Variants in EMID1 observed in about 807,000 individuals in gnomAD.
The protein encoded by EMID1 is EMI domain-containing protein 1.
EMID1 carries 40 observed loss-of-function variants against 60.6 expected under a neutral mutation model. The ratio of observed to expected loss-of-function variants is 0.66; its 90% CI spans 0.51 to 0.86. The LOEUF is 0.86. EMID1 is among the 40% of genes least tolerant of loss of function. EMID1 has a pLI of 0.00. For missense variants in EMID1, 585 were observed against 597.1 expected, an observed-to-expected ratio of 0.98 and a Z score of 0.21; for synonymous variants, 242 against 231.0, an observed-to-expected ratio of 1.05 and a Z score of -0.43.
rs1044801271 is a variant in EMID1 at position 29,258,724 on chromosome 22, G to A, written c.1205-93G>A. The A allele has an allele frequency of 1.2e-5, 19 of 1,524,236 alleles. No individual in the cohort carries two copies. The South Asian group carries it at 2.1e-4, about 17-fold the overall frequency. The allele number at this position is 1,524,236 out of a possible 1,614,324, so 94.4% of individuals were successfully genotyped here. A position where few individuals can be genotyped will look rare whatever the true frequency, so the allele number is the denominator to read the frequency against. ...GGGTGGATTATACCTGGCAGAGCGT[G>A]CCCGGTTCTGCCACCCCCTAGAGGG... On this transcript the variant is annotated intron_variant, in intron 14 of 14. Coordinates refer to ENST00000334018, the MANE Select transcript of EMID1 (RefSeq NM_133455.4).
At chr22:29,248,259 CTTTTTTTTTTT>C (rs33924066) in intron 13 of EMID1, among the ~76,000 whole-genome samples, 1 of 116,088 alleles carries the variant, frequency 8.6e-6, no homozygotes, top group Non-Finnish European at 1.7e-5. Context: ...GTGCCTGGCC[CTTTTTTTTTTT>C]TTTTTTTTTT....
At chr22:29,253,852 C>A in intron 13 of EMID1, 1 of 959,340 alleles carries the variant, frequency 1.0e-6, no homozygotes, top group Non-Finnish European at 1.2e-6. Flanking sequence ...GGGCGACAGA[C>A]ATTAGAGGAC....
At chr22:29,243,362 G>A (rs184988518) in intron 12 of EMID1, 83 bp from the exon 13 acceptor site, 28 of 1,390,088 alleles carry the variant, frequency 2.0e-5, no homozygotes, top group Admixed American at 7.8e-5. Context: ...CCCTTTCCCC[G>A]CTCTTTTTCC....
At chr22:29,229,096 C>T (rs1398672993) in intron 5 of EMID1, among the ~76,000 whole-genome samples, 1 of 152,142 alleles carries the variant, frequency 6.6e-6, no homozygotes, top group African/African-American at 2.4e-5. Flanking sequence ...AATCCCAGCA[C>T]TTTGGAAGGC....
intron 13 of EMID1, among the ~76,000 whole-genome samples, chr22:29,253,170 G>A (rs948847620): frequency 2.0e-5 from 3 of 152,164 alleles, no homozygotes; most frequent in African/African-American, 4.8e-5. Context: ...TTTGGCCAGG[G>A]ATGGTGGCTC....
chr22:29,233,523 A>G, intron 9 of EMID1, 55 bp downstream of exon 9: 1 of 1,607,238 alleles, frequency 6.2e-7, no homozygotes, highest in Non-Finnish European at 8.5e-7. Flanking sequence ...GGCAGAGGGA[A>G]TAGGGTTTGT....
At chr22:29,213,196 G>C (rs1227727856) in intron 1 of EMID1, among the ~76,000 whole-genome samples, 1 of 152,102 alleles carries the variant, frequency 6.6e-6, no homozygotes, top group Non-Finnish European at 1.5e-5. Flanking sequence ...GTGATAGCTG[G>C]GTCTCAGGTC....
At chr22:29,251,590 T>C (rs1341293946) in intron 13 of EMID1, among the ~76,000 whole-genome samples, 1 of 151,668 alleles carries the variant, frequency 6.6e-6, no homozygotes, top group Non-Finnish European at 1.5e-5. Flanking sequence ...CTCAAACTCT[T>C]GTGCTCAAGT....
chr22:29,214,530 G>A (rs1316343845), intron 1 of EMID1, among the ~76,000 whole-genome samples: 3 of 152,182 alleles, frequency 2.0e-5, no homozygotes, highest in East Asian at 1.9e-4. Context: ...GGGAGGGACC[G>A]AGGGGCAGAT....
At chr22:29,252,001 G>GATAAAAAATTTTTAAATTTTT (rs2041545513) in intron 13 of EMID1, among the ~76,000 whole-genome samples, 1 of 152,172 alleles carries the variant, frequency 6.6e-6, no homozygotes, top group Admixed American at 6.6e-5. Context: ...TAGATATGGG[G>GATAAAAAATTTTTAAATTTTT]TCTTGCTATG....
intron 12 of EMID1, among the ~76,000 whole-genome samples, chr22:29,236,681 A>G (rs1024458300): frequency 4.6e-5 from 7 of 151,964 alleles, no homozygotes; most frequent in African/African-American, 1.7e-4. Context: ...ACAGAGTGAG[A>G]CTCCATCTCA....
intron 14 of EMID1, chr22:29,255,198 T>TC: frequency 1.1e-5 from 1 of 87,904 alleles, no homozygotes; most frequent in Non-Finnish European, 2.7e-5. Flanking sequence ...CCTCCCACCC[T>TC]CCCCGCTTGG....
At chr22:29,225,100 A>G (rs2040451255) in intron 3 of EMID1, 33 bp from the exon 4 acceptor site, 1 of 1,609,284 alleles carries the variant, frequency 6.2e-7, no homozygotes, top group South Asian at 1.1e-5. Context: ...CAAGGATCAC[A>G]TGCCAGCAGG....
In EMID1 at chr22:29,234,349, G is replaced by A. The variant is rs758623433; in HGVS notation, c.1074G>A (p.Arg358=). ...EPGPQGSAGQ[R]GEPGPKGDPG... ...GCCCCCAAGGCTCTGCTGGGCAGCG[G>A]GTAAGTGTTGCTGTCTGTCCCGCAT... Residue 358 remains arginine, a splice_region_variant and synonymous_variant, in exon 12 of 15, where the codon CGG becomes CGA. Coordinates refer to ENST00000334018, the MANE Select transcript of EMID1 (RefSeq NM_133455.4). The A allele has an allele frequency of 1.9e-6, 3 of 1,613,478 alleles. No homozygotes were observed. Among genetic ancestry groups the A allele is most frequent in the Non-Finnish European group, 1.7e-6 (2 of 1,179,930 alleles).
chr22:29,239,745 A>G lies in EMID1; in HGVS notation c.1075-3700A>G, dbSNP rs185157195. 5.5e-4 allele frequency among the ~76,000 whole-genome samples: 82 copies of G among 150,236 alleles called. 1 individual carries two copies. In the East Asian group the frequency reaches 0.012, roughly 21 times the overall value. Reference sequence around the variant, plus strand: ...GGGAAGGGAAGTGTTCTGGAGTCCTATGATTAGATCTCAGTCTTTTTTTTT... The same window carrying G: ...GGGAAGGGAAGTGTTCTGGAGTCCTGTGATTAGATCTCAGTCTTTTTTTTT... On this transcript the variant is annotated intron_variant, in intron 12 of 14. Transcript: ENST00000334018.
At chr22:29,209,614 C>G (rs1310140939) in intron 1 of EMID1, among the ~76,000 whole-genome samples, 1 of 152,202 alleles carries the variant, frequency 6.6e-6, no homozygotes, top group Non-Finnish European at 1.5e-5. Flanking sequence ...AAACTTGGTC[C>G]CAGCTCATGC....
rs374623787 is a variant in EMID1 at position 29,208,841 on chromosome 22, C to T, written c.101+2702C>T. On this transcript the variant is annotated intron_variant, in intron 1 of 14. Transcript: ENST00000334018. ...TGTCTGGGCCTGAGCCCCTCAGTCC[C>T]GGAACAGGAATGAACAATAGCTGTT... is the stretch of plus-strand genomic sequence containing the variant. Among the ~76,000 whole-genome samples, 10 of 152,312 alleles carry T rather than the reference C, an allele frequency of 6.6e-5. No individual in the cohort carries two copies. The East Asian group carries it at 7.7e-4, about 12-fold the overall frequency.
At chr22:29,245,714 A>ACACCT (rs2041307254) in intron 13 of EMID1, among the ~76,000 whole-genome samples, 1 of 152,188 alleles carries the variant, frequency 6.6e-6, no homozygotes, top group Non-Finnish European at 1.5e-5. Flanking sequence ...CCCAGCAGTG[A>ACACCT]CACCTGGTGG....
intron 13 of EMID1, among the ~76,000 whole-genome samples, chr22:29,245,504 C>T (rs773316264): frequency 1.1e-4 from 16 of 152,302 alleles, no homozygotes; most frequent in African/African-American, 3.1e-4. Context: ...CTTCTACCTG[C>T]ACTTCTGCCC....
Sources: allele counts gnomAD v4.1 joint callset (sites outside exome capture counted in the v4.1 genomes callset), GRCh38; gene constraint gnomAD v4.1.1; transcripts MANE v1.5; gene names NCBI Gene and HGNC (gene_info 2026-07-23, HGNC 2026-07-21).